The following ZNF45 variants were observed in gnomAD, a reference collection of about 807,000 sequenced individuals.
ZNF45 encodes the protein BRC1744.
A neutral mutation model predicts 12.0 loss-of-function variants in ZNF45; 4 were observed. The observed-to-expected ratio is 0.33, with a 90% CI of 0.16 to 0.76. The LOEUF (loss-of-function observed/expected upper bound fraction) is 0.76, where lower values mean the gene tolerates loss of function less well. ZNF45 is among the 30% of genes least tolerant of loss of function. The probability of loss-of-function intolerance (pLI) is 0.60; values close to 1 mark genes in which losing one functional copy is unlikely to be tolerated. For missense variants in ZNF45, 700 were observed against 813.0 expected (o/e 0.86, Z 1.69); for synonymous variants, 272 against 279.6 (o/e 0.97, Z 0.27).
intron 3 of ZNF45, among the ~76,000 whole-genome samples, chr19:43,926,734 C>T (rs765193796): frequency 1.3e-5 from 2 of 152,148 alleles, no homozygotes; most frequent in African/African-American, 2.4e-5. Context: ...TCTACACAAA[C>T]GTAGCTTAAT....
rs773126036 is a variant in ZNF45 at position 43,913,716 on chromosome 19, G to T, written c.1720C>A (p.His574Asn). The change falls in exon 10 of 10, where the codon CAT (histidine) becomes AAT (asparagine). Residue 574 changes from histidine to asparagine, a missense_variant. Transcript: ENST00000269973. Reference sequence around the variant, plus strand: ...TTTTCTCCTGTGTGGACTCCACGATGTGCCAGAAAATTGGAGGCCCGACAG... The same window carrying T: ...TTTTCTCCTGTGTGGACTCCACGATTTGCCAGAAAATTGGAGGCCCGACAG... Reference protein sequence around the residue: ...GFCRASNFLAHRGVHTGEKPY... With the variant: ...GFCRASNFLANRGVHTGEKPY... 4.3e-6 allele frequency: 7 copies of T among 1,613,828 alleles called. No homozygotes were observed. Among genetic ancestry groups the T allele is most frequent in the Non-Finnish European group, 5.9e-6 (7 of 1,179,994 alleles).
At chr19:43,929,558 T>C (rs193120667) in intron 3 of ZNF45, among the ~76,000 whole-genome samples, 3 of 152,324 alleles carry the variant, frequency 2.0e-5, no homozygotes, top group Admixed American at 1.3e-4. Context: ...GTGGGCTTCA[T>C]GTGGTCTGGT....
Position 43,913,972 on chromosome 19 carries a change from A to C in ZNF45, c.1464T>G (p.Asn488Lys). Residue 488 changes from asparagine (N) to lysine (K), a missense_variant, in exon 10 of 10, where the codon AAT becomes AAG. Asn to Lys is a moderately conservative substitution (Grantham distance 94). Transcript: ENST00000269973. ...CTCCTGTGTGGATTCTACAGTGTAC[A>C]TTAAGATCTGAGCTCCGACTGAAGC... is the stretch of plus-strand genomic sequence containing the variant. ...GKGFSRSSDL[N>K]VHCRIHTGEK... The C allele has an allele frequency of 4.4e-6, 7 of 1,608,412 alleles. No homozygotes were observed. Among genetic ancestry groups the C allele is most frequent in the Non-Finnish European group, 5.9e-6 (7 of 1,178,178 alleles).
rs566729200 is a variant in ZNF45, at chr19:43,930,230, A to G, written c.-400+2374T>C. On this transcript the variant is annotated intron_variant, in intron 3 of 9. Coordinates refer to ENST00000269973, the MANE Select transcript of ZNF45 (RefSeq NM_003425.4). The stretch of plus-strand genomic sequence containing the variant: ...GAACTCTCTCTCTGAAGCCTCTTTT[A>G]TAAGAGCATTAACTCCTTCATGCCC... 1.2e-4 allele frequency among the ~76,000 whole-genome samples: 18 copies of G among 152,288 alleles called. No individual in the cohort carries two copies. The South Asian group carries it at 3.7e-3, about 32-fold the overall frequency.
In ZNF45 at chr19:43,914,811, C is replaced by T; in HGVS notation, c.625G>A (p.Ala209Thr). 2.5e-6 allele frequency: 4 copies of T among 1,612,892 alleles called. No individual in the cohort carries two copies. The highest frequency in any genetic ancestry group is 3.4e-6 in the Non-Finnish European group (4 of 1,179,102). ...GCTCTACTGTGGACTCTCTGATGGG[C>T]TTGAAGACTTGAAAACCGACGGAAG... The part of the protein sequence containing the change: ...NAFRRFSSLQ[A>T]HQRVHSRAKS... Residue 209 changes from alanine (A) to threonine (T), a missense_variant, in exon 10 of 10, where the codon GCC (alanine) becomes ACC (threonine). By Grantham distance (58) the Ala-to-Thr change is moderately conservative (BLOSUM62 0). Coordinates refer to ENST00000269973, the MANE Select transcript of ZNF45 (RefSeq NM_003425.4).
At chr19:43,920,939 T>C (rs1189002136) in intron 7 of ZNF45, among the ~76,000 whole-genome samples, 1 of 152,144 alleles carries the variant, frequency 6.6e-6, no homozygotes, top group Non-Finnish European at 1.5e-5. Context: ...ATATGAAGAC[T>C]GTTCATCCCT....
intron 3 of ZNF45, among the ~76,000 whole-genome samples, chr19:43,926,908 G>A (rs1973723325): frequency 6.6e-6 from 1 of 152,144 alleles, no homozygotes; most frequent in African/African-American, 2.4e-5. Context: ...AAAATTATCT[G>A]CAAGTCAGCA....
chr19:43,933,527 G>T (rs1446395733), intron 2 of ZNF45, among the ~76,000 whole-genome samples: 1 of 152,098 alleles, frequency 6.6e-6, no homozygotes, highest in East Asian at 1.9e-4. Flanking sequence ...CATCATCTGG[G>T]TTTGTTTTAA....
In ZNF45 at chr19:43,913,785, T is replaced by A. The variant is rs532078307; in HGVS notation, c.1651A>T (p.Thr551Ser). The A allele has an allele frequency of 2.0e-5, 33 of 1,613,868 alleles. No homozygotes were observed. The South Asian group carries it at 3.6e-4, about 18-fold the overall frequency. The change falls in exon 10 of 10, where the codon ACT becomes TCT. Residue 551 changes from threonine (T) to serine (S), a missense_variant. By Grantham distance (58) the Thr-to-Ser change is moderately conservative. Transcript: ENST00000269973. The stretch of plus-strand genomic sequence containing the variant: ...TCACATTGATAGGGTTTCTCTCCAG[T>A]GTGGCACCTCTGATGGGCTTGAAGC... ...SQLQAHQRCH[T>S]GEKPYQCEEC...
rs1311568172 is a variant in ZNF45, at chr19:43,915,072, C to T, written c.364G>A (p.Val122Met). Residue 122 changes from valine (V) to methionine (M), a missense_variant, in exon 10 of 10, where the codon GTG (valine) becomes ATG (methionine). Val to Met is a conservative substitution (Grantham distance 21). Coordinates refer to ENST00000269973, the MANE Select transcript of ZNF45 (RefSeq NM_003425.4). Reference sequence around the variant, plus strand: ...CAGCCTGTTCTTTGAATATTTACCACAGAATCTTGATACTTGATTAACTCT... The same window carrying T: ...CAGCCTGTTCTTTGAATATTTACCATAGAATCTTGATACTTGATTAACTCT... ...TRELIKYQDS[V>M]VNIQRTGCQL... 1.2e-6 allele frequency: 2 copies of T among 1,612,110 alleles called. No individual in the cohort carries two copies. Among genetic ancestry groups the T allele is most frequent in the Non-Finnish European group, 1.7e-6 (2 of 1,179,210 alleles).
intron 9 of ZNF45, 56 bp downstream of exon 9, chr19:43,918,814 T>C: frequency 6.6e-7 from 1 of 1,519,268 alleles, no homozygotes; most frequent in Non-Finnish European, 9.1e-7. Flanking sequence ...TTTGCCAACC[T>C]TGGAATATCT....
intron 7 of ZNF45, among the ~76,000 whole-genome samples, chr19:43,921,087 A>G (rs79596845): frequency 0.023 from 3,521 of 152,240 alleles, 148 homozygotes; most frequent in African/African-American, 0.078. Flanking sequence ...CACCCACACA[A>G]AAAGGGCCAG....
rs547111921 is a variant in ZNF45 at position 43,933,076 on chromosome 19, G to C, written c.-486-386C>G. ...TTTTGGACTTTTAGCCTCCAGAACTGTAACAAATACATTTCTGTATAATCC... is the reference window on the plus strand; with the variant it reads ...TTTTGGACTTTTAGCCTCCAGAACTCTAACAAATACATTTCTGTATAATCC... On this transcript the variant is annotated intron_variant, in intron 2 of 9. Coordinates refer to ENST00000269973, the MANE Select transcript of ZNF45 (RefSeq NM_003425.4). Among the ~76,000 whole-genome samples, 20 of 152,298 alleles carry C rather than the reference G, an allele frequency of 1.3e-4. No homozygotes were observed. The South Asian group carries it at 4.1e-3, about 32-fold the overall frequency.
At chr19:43,929,700 C>G (rs2147173075) in intron 3 of ZNF45, among the ~76,000 whole-genome samples, 1 of 152,308 alleles carries the variant, frequency 6.6e-6, no homozygotes, top group South Asian at 2.1e-4. Flanking sequence ...GCCAGACCAC[C>G]TGTACCCCAC....
intron 2 of ZNF45, among the ~76,000 whole-genome samples, chr19:43,933,848 A>G (rs940362375): frequency 1.3e-5 from 2 of 152,206 alleles, no homozygotes; most frequent in South Asian, 2.1e-4. Context: ...GTGCATCTCT[A>G]TGATCAAAAT....
At chr19:43,931,015 C>T (rs454376) in intron 3 of ZNF45, among the ~76,000 whole-genome samples, 51,401 of 151,300 alleles carry the variant, frequency 0.34, 8,846 homozygotes, top group Middle Eastern at 0.41. Flanking sequence ...TAATCACATG[C>T]GGCTAATGGC....
At chr19:43,931,817 A>G (rs959241805) in intron 3 of ZNF45, among the ~76,000 whole-genome samples, 19 of 152,134 alleles carry the variant, frequency 1.2e-4, no homozygotes, top group Admixed American at 1.2e-3. Context: ...GAGTGTTCCA[A>G]CCTAGCTGCT....
At position 43,919,628 on chromosome 19, in the gene ZNF45, C is replaced by T. The variant is rs1225583808; in HGVS notation, c.87G>A (p.Gln29=). ...GCATCACATCTCGGTACAGCTTCCT[C>T]TGGGCAAGGTCCAGCAGTTGCAGCT... is the stretch of plus-strand genomic sequence containing the variant. ...EEELQLLDLA[Q]RKLYRDVMLE... Residue 29 remains glutamine, a synonymous_variant, in exon 8 of 10, where the codon CAG becomes CAA. Coordinates refer to ENST00000269973, the MANE Select transcript of ZNF45 (RefSeq NM_003425.4). 1.9e-6 allele frequency: 3 copies of T among 1,613,294 alleles called. No homozygotes were observed. Among genetic ancestry groups the T allele is most frequent in the Non-Finnish European group, 2.5e-6 (3 of 1,179,566 alleles).
In ZNF45 at chr19:43,913,530, C is replaced by T. The variant is rs1241929265; in HGVS notation, c.1906G>A (p.Gly636Arg). 2.6e-5 allele frequency: 42 copies of T among 1,613,576 alleles called. No individual in the cohort carries two copies. The highest frequency in any genetic ancestry group is 1.2e-4 in the Admixed American group (7 of 59,942). ...YLQAHQRVHT[G>R]EKPYKCEECG... ...TCCTCACATTTGTATGGTTTTTCTCCGGTGTGAACTCTTTGATGGGCTTGA... is the reference window on the plus strand; with the variant it reads ...TCCTCACATTTGTATGGTTTTTCTCTGGTGTGAACTCTTTGATGGGCTTGA... Residue 636 changes from glycine (G) to arginine (R), a missense_variant, in exon 10 of 10, where the codon GGA (glycine) becomes AGA (arginine). Coordinates refer to ENST00000269973, the MANE Select transcript of ZNF45 (RefSeq NM_003425.4).
Sources: gnomAD v4.1 joint callset for allele counts (sites outside exome capture counted in the v4.1 genomes callset) on GRCh38, gnomAD v4.1.1 for gene constraint, MANE v1.5 for transcripts, NCBI Gene and HGNC (gene_info 2026-07-23, HGNC 2026-07-21) for gene names.